PCDHGA7: variants seen among roughly 807,000 people sequenced by gnomAD.
The protein encoded by PCDHGA7 is protocadherin gamma-A7.
In PCDHGA7, 44 loss-of-function variants were observed where a neutral mutation model predicts 58.3. The ratio of observed to expected loss-of-function variants is 0.75; its 90% CI spans 0.59 to 0.97. PCDHGA7 has a LOEUF of 0.97. PCDHGA7 is among the 50% of genes least tolerant of loss of function. The pLI is 0.00. For missense variants in PCDHGA7, 1,266 were observed against 1,188.7 expected (o/e 1.06, Z -0.96); for synonymous variants, 516 against 504.2 (o/e 1.02, Z -0.31).
intron 1 of PCDHGA7, chr5:141,426,496 G>A: frequency 3.0e-6 from 1 of 337,022 alleles, no homozygotes; most frequent in South Asian, 2.4e-5. Flanking sequence ...AGTTAGTGCA[G>A]AGAAACAATA....
In PCDHGA7 at chr5:141,432,571, G is replaced by A. The variant is rs776214748; in HGVS notation, c.2424+47248G>A. On this transcript the variant is annotated intron_variant, in intron 1 of 3. Coordinates refer to ENST00000518325, the MANE Select transcript of PCDHGA7 (RefSeq NM_018920.4). The surrounding 1 kb of genome is among the most constrained non-coding windows in gnomAD (Gnocchi z 6.0). ...GAGACTCCGGCCAGAACGCCTGGCT[G>A]TCCTACCGTCTGCTCAAGGCCAGCG... is the stretch of plus-strand genomic sequence containing the variant. 1.2e-6 allele frequency: 2 copies of A among 1,613,954 alleles called. No homozygotes were observed. Among genetic ancestry groups the A allele is most frequent in the South Asian group, 1.1e-5 (1 of 91,068 alleles).
intron 1 of PCDHGA7, chr5:141,390,142 G>A (rs2092062384): frequency 6.2e-6 from 10 of 1,614,022 alleles, no homozygotes; most frequent in Non-Finnish European, 8.5e-6. Flanking sequence ...TACAATCTAT[G>A]TGTTGCACAT....
At chr5:141,394,028 G>A (rs758413971) in intron 1 of PCDHGA7, 1 of 1,613,454 alleles carries the variant, frequency 6.2e-7, no homozygotes, top group Admixed American at 1.7e-5. Flanking sequence ...ATAGATTAGT[G>A]ACAAGGAAAT....
intron 1 of PCDHGA7, chr5:141,422,984 G>A (rs752694873): frequency 4.5e-5 from 73 of 1,614,112 alleles, no homozygotes; most frequent in Non-Finnish European, 5.9e-5. Flanking sequence ...GCGGAACCTG[G>A]CTACCTGGTG....
In PCDHGA7 at chr5:141,486,042, G is replaced by A; in HGVS notation, c.2425-8765G>A. The A allele has an allele frequency of 6.2e-7, 1 of 1,614,180 alleles. No individual in the cohort carries two copies. The highest frequency in any genetic ancestry group is 8.5e-7 in the Non-Finnish European group (1 of 1,180,030). On this transcript the variant is annotated intron_variant, in intron 1 of 3. Coordinates refer to ENST00000518325, the MANE Select transcript of PCDHGA7 (RefSeq NM_018920.4). This position sits in a 1 kb window ranked among gnomAD's most constrained non-coding sequence, Gnocchi z 5.0. The stretch of plus-strand genomic sequence containing the variant: ...AGTGGTCATACCCCTGATCGTGTAA[G>A]AAACCTCTTTAGCCTGCACCCCACT...
chr5:141,424,504 G>A (rs1357608806), intron 1 of PCDHGA7: 2 of 152,134 alleles, frequency 1.3e-5, no homozygotes, highest in East Asian at 1.9e-4. Flanking sequence ...TGTATGGAAG[G>A]TTTTTTAATG....
rs73279071 is a variant in PCDHGA7 at position 141,386,620 on chromosome 5, C to G, written c.2424+1297C>G. 8.3e-3 allele frequency among the ~76,000 whole-genome samples: 1,265 copies of G among 151,666 alleles called. 17 individuals carry two copies. The highest frequency in any genetic ancestry group is 0.029 in the African/African-American group (1,203 of 41,334). On this transcript the variant is annotated intron_variant, in intron 1 of 3. Transcript: ENST00000518325. ...ATTTTTTTTTTTTGACATGGAGTCTCGCTCTGTCACCCAGGCTGGATACAT... is the reference window on the plus strand; with the variant it reads ...ATTTTTTTTTTTTGACATGGAGTCTGGCTCTGTCACCCAGGCTGGATACAT...
chr5:141,393,543 C>T lies in PCDHGA7; in HGVS notation c.2424+8220C>T, dbSNP rs763455922. On this transcript the variant is annotated intron_variant, in intron 1 of 3. Coordinates refer to ENST00000518325, the MANE Select transcript of PCDHGA7 (RefSeq NM_018920.4). ...AAATGACAATGCCCCGGTTTTTCCT[C>T]ACCCGATTTACCGAGTGAAAGTCCT... is the stretch of plus-strand genomic sequence containing the variant. 7 of 1,613,870 alleles carry T rather than the reference C, an allele frequency of 4.3e-6. No individual in the cohort carries two copies. In the Admixed American group the frequency reaches 8.3e-5, roughly 19 times the overall value.
Position 141,383,260 on chromosome 5 carries a change from G to C in PCDHGA7, c.361G>C (p.Val121Leu), listed in dbSNP as rs375487349. Residue 121 changes from valine (V) to leucine (L), a missense_variant, in exon 1 of 4, where the codon GTG becomes CTG. Coordinates refer to ENST00000518325, the MANE Select transcript of PCDHGA7 (RefSeq NM_018920.4). ...TAAAATGAATCTTTACCCTATAGAC[G>C]TGGAAATAATAGATATTAATGACAA... ...EDKMNLYPID[V>L]EIIDINDNVP... is the part of the protein sequence containing the mutation. 3.7e-6 allele frequency: 6 copies of C among 1,613,782 alleles called. No homozygotes were observed. The African/African-American group carries it at 6.7e-5, about 18-fold the overall frequency.
chr5:141,409,279 T>C, intron 1 of PCDHGA7: 1 of 1,613,972 alleles, frequency 6.2e-7, no homozygotes, highest in Non-Finnish European at 8.5e-7. Context: ...TTTTGGAGAA[T>C]TCACCTCCAG....
intron 2 of PCDHGA7, among the ~76,000 whole-genome samples, chr5:141,504,999 T>C (rs1278633184): frequency 6.6e-6 from 1 of 152,000 alleles, no homozygotes; most frequent in African/African-American, 2.4e-5. Context: ...CCGTCTGTAC[T>C]AAAAATACAA....
Position 141,383,093 on chromosome 5 carries a change from G to C in PCDHGA7, c.194G>C (p.Arg65Pro). 6.2e-7 allele frequency: 1 copy of C among 1,613,930 alleles called. No individual in the cohort carries two copies. The change falls in exon 1 of 4, where the codon CGC (arginine) becomes CCC (proline). Residue 65 changes from arginine to proline, a missense_variant. Arg to Pro is a moderately radical substitution (Grantham distance 103). Transcript: ENST00000518325. ...CGGGAGCTGGCGGAGCGCGGAGTCC[G>C]CATCATCTCCAGAGGTAGGACGCAG... is the stretch of plus-strand genomic sequence containing the variant. ...EPRELAERGV[R>P]IISRGRTQLF...
In PCDHGA7 at chr5:141,384,742, G is replaced by A. The variant is rs1477575254; in HGVS notation, c.1843G>A (p.Gly615Arg). 6.2e-7 allele frequency: 1 copy of A among 1,613,976 alleles called. No homozygotes were observed. The highest frequency in any genetic ancestry group is 1.3e-5 in the African/African-American group (1 of 74,952). ...CCTCCTGCTTAAGGCCAGCGAGCCA[G>A]GACTCTTTGCGGTTGGGCTGTACAC... ...SYLLLKASEP[G>R]LFAVGLYTGE... The change falls in exon 1 of 4, where the codon GGA (glycine) becomes AGA (arginine). Residue 615 changes from glycine to arginine, a missense_variant. Coordinates refer to ENST00000518325, the MANE Select transcript of PCDHGA7 (RefSeq NM_018920.4).
At chr5:141,403,838 GA>G (rs751575888) in intron 1 of PCDHGA7, 1 of 1,613,592 alleles carries the variant, frequency 6.2e-7, no homozygotes, top group African/African-American at 1.3e-5. Context: ...CCAGCTTAAT[GA>G]AAATACTGGG....
At chr5:141,405,020 A>G in intron 1 of PCDHGA7, 1 of 1,613,342 alleles carries the variant, frequency 6.2e-7, no homozygotes, top group Non-Finnish European at 8.5e-7. Context: ...CTCAGACCTT[A>G]CCCTCTACCT....
At chr5:141,427,839 G>A (rs1276507135) in intron 1 of PCDHGA7, 3 of 1,547,192 alleles carry the variant, frequency 1.9e-6, no homozygotes, top group African/African-American at 2.7e-5. Context: ...GCGTGCCTTC[G>A]ACCACGAGCA....
chr5:141,415,552 G>T (rs1244457142), intron 1 of PCDHGA7: 3 of 1,613,980 alleles, frequency 1.9e-6, no homozygotes, highest in African/African-American at 2.7e-5. Flanking sequence ...TGAGAAAAAC[G>T]ATCCTTTGTC....
chr5:141,475,384 A>T (rs2099362853), intron 1 of PCDHGA7, among the ~76,000 whole-genome samples: 1 of 152,370 alleles, frequency 6.6e-6, no homozygotes, highest in East Asian at 1.9e-4. Flanking sequence ...TTTAAATTTT[A>T]TAAGCCAGAG....
chr5:141,423,092 A>T (rs2096708373), intron 1 of PCDHGA7: 5 of 1,613,952 alleles, frequency 3.1e-6, no homozygotes, highest in South Asian at 2.2e-5. Flanking sequence ...GCGGTGGGGG[A>T]GCACACGGGC....
Sources: gnomAD v4.1 joint callset for allele counts (sites outside exome capture counted in the v4.1 genomes callset) on GRCh38, gnomAD v4.1.1 for gene constraint, Gnocchi (gnomAD v3.1) non-coding constraint, MANE v1.5 for transcripts, NCBI Gene and HGNC (gene_info 2026-07-23, HGNC 2026-07-21) for gene names.